NRG3: variants seen among roughly 807,000 people sequenced by gnomAD.
NRG3 encodes the protein neuregulin 3, also known as pro-neuregulin-3, membrane-bound isoform.
Under a neutral mutation model 66.9 loss-of-function variants are expected in NRG3, and 31 were observed. The observed-to-expected ratio is 0.46, with a 90% CI of 0.35 to 0.63. NRG3 has a LOEUF of 0.63. Ranked by LOEUF, NRG3 falls within the 20% of genes least tolerant of loss-of-function variation. The pLI, the probability that NRG3 is intolerant of heterozygous loss-of-function variation, is 0.00. For missense variants in NRG3, 910 were observed against 878.9 expected (o/e 1.04, Z -0.45); for synonymous variants, 393 against 359.4 (o/e 1.09, Z -1.06).
intron 4 of NRG3, among the ~76,000 whole-genome samples, chr10:82,876,355 A>G (rs1841819841): frequency 6.6e-6 from 1 of 152,212 alleles, no homozygotes; most frequent in Admixed American, 6.5e-5. Flanking sequence ...ATATAGTGAT[A>G]GATAGATTTG....
intron 1 of NRG3, among the ~76,000 whole-genome samples, chr10:82,183,443 G>T (rs1439713231): frequency 6.6e-6 from 1 of 151,878 alleles, no homozygotes; most frequent in African/African-American, 2.4e-5. Context: ...CCATTCTAGT[G>T]AATTTTTCAG....
chr10:82,377,051 GC>G (rs1480688788), intron 2 of NRG3, among the ~76,000 whole-genome samples: 1 of 152,116 alleles, frequency 6.6e-6, no homozygotes, highest in African/African-American at 2.4e-5. Flanking sequence ...ATATGTGTAA[GC>G]TTGCCCCTCC....
chr10:82,963,412 G>T (rs968725034), intron 6 of NRG3, among the ~76,000 whole-genome samples: 3 of 152,216 alleles, frequency 2.0e-5, no homozygotes, highest in Non-Finnish European at 4.4e-5. Context: ...CGGGCGCGGT[G>T]GCTCACGCCT....
At chr10:82,452,517 G>C (rs2091065818) in intron 2 of NRG3, among the ~76,000 whole-genome samples, 1 of 152,076 alleles carries the variant, frequency 6.6e-6, no homozygotes, top group Non-Finnish European at 1.5e-5. Flanking sequence ...TTTTGCTGTG[G>C]TATAATATCC....
intron 2 of NRG3, among the ~76,000 whole-genome samples, chr10:82,424,531 A>G (rs981236615): frequency 6.6e-6 from 1 of 152,048 alleles, no homozygotes. Flanking sequence ...TCATATGTTC[A>G]GGATACAAAT....
chr10:82,902,629 A>G (rs1287639915), intron 4 of NRG3, among the ~76,000 whole-genome samples: 1 of 152,148 alleles, frequency 6.6e-6, no homozygotes, highest in Non-Finnish European at 1.5e-5. Flanking sequence ...AAATAGACAC[A>G]CTATCCATTT....
At chr10:82,495,320 C>G (rs988642311) in intron 2 of NRG3, among the ~76,000 whole-genome samples, 1 of 152,114 alleles carries the variant, frequency 6.6e-6, no homozygotes, top group Admixed American at 6.5e-5. Flanking sequence ...ACCCTTCTGG[C>G]ATTATAATAA....
At chr10:82,592,530 G>T (rs758869449) in intron 2 of NRG3, among the ~76,000 whole-genome samples, 3 of 152,180 alleles carry the variant, frequency 2.0e-5, no homozygotes, top group Non-Finnish European at 4.4e-5. Context: ...TACTCTCAGT[G>T]AGACTACTCA....
intron 2 of NRG3, among the ~76,000 whole-genome samples, chr10:82,555,121 C>A (rs1487328544): frequency 1.3e-5 from 2 of 152,150 alleles, no homozygotes; most frequent in Non-Finnish European, 2.9e-5. Context: ...TGTGAGATCT[C>A]TAATCTGTTG....
chr10:82,894,868 G>A (rs550440499), intron 4 of NRG3, among the ~76,000 whole-genome samples: 1 of 152,114 alleles, frequency 6.6e-6, no homozygotes, highest in Admixed American at 6.6e-5. Context: ...CATGCATTAG[G>A]TGTTTGTGCT....
chr10:82,783,977 C>A (rs890680520), intron 3 of NRG3, among the ~76,000 whole-genome samples: 1 of 151,756 alleles, frequency 6.6e-6, no homozygotes. Flanking sequence ...GCTACAGTAA[C>A]CAAAACAGCA....
At chr10:82,062,981 G>A (rs189904618) in intron 1 of NRG3, among the ~76,000 whole-genome samples, 70 of 152,124 alleles carry the variant, frequency 4.6e-4, no homozygotes, top group Non-Finnish European at 8.2e-4. Flanking sequence ...ATTATCTGCC[G>A]CCCACCCCAC....
At chr10:82,330,914 C>T (rs1213745738) in intron 1 of NRG3, among the ~76,000 whole-genome samples, 2 of 152,154 alleles carry the variant, frequency 1.3e-5, no homozygotes, top group Non-Finnish European at 2.9e-5. Context: ...ATCTAGTGGT[C>T]TAGTCTGTGT....
At chr10:82,912,177 A>G (rs1458277158) in intron 4 of NRG3, among the ~76,000 whole-genome samples, 1 of 152,188 alleles carries the variant, frequency 6.6e-6, no homozygotes, top group East Asian at 1.9e-4. Flanking sequence ...TGTCAATTAG[A>G]TCCAGTTGGT....
chr10:82,574,388 A>G (rs769001280), intron 2 of NRG3, among the ~76,000 whole-genome samples: 9 of 151,818 alleles, frequency 5.9e-5, no homozygotes, highest in Non-Finnish European at 1.0e-4. Context: ...TGGGAAGCAT[A>G]GGGCAGAAGG....
At chr10:82,185,071 A>G (rs1019162229) in intron 1 of NRG3, among the ~76,000 whole-genome samples, 10 of 152,146 alleles carry the variant, frequency 6.6e-5, no homozygotes, top group African/African-American at 2.4e-4. Flanking sequence ...TAACTATTTA[A>G]GAGGCTGGAG....
chr10:82,712,924 A>G (rs919186513), intron 2 of NRG3, among the ~76,000 whole-genome samples: 2 of 151,990 alleles, frequency 1.3e-5, no homozygotes, highest in African/African-American at 4.8e-5. Context: ...GTTTATGACC[A>G]CCCCAGCCAG....
At chr10:82,507,318 G>A (rs1234749998) in intron 2 of NRG3, among the ~76,000 whole-genome samples, 3 of 152,132 alleles carry the variant, frequency 2.0e-5, no homozygotes, top group Non-Finnish European at 2.9e-5. Flanking sequence ...ATTTCTAGCA[G>A]TACAATAAAG....
intron 2 of NRG3, among the ~76,000 whole-genome samples, chr10:82,499,915 G>A (rs1219118664): frequency 3.3e-5 from 5 of 152,160 alleles, no homozygotes; most frequent in Admixed American, 6.5e-5. Flanking sequence ...AGGTTAAATA[G>A]AATGAAGACT....
Sources: gnomAD v4.1 joint callset for allele counts (sites outside exome capture counted in the v4.1 genomes callset) on GRCh38, gnomAD v4.1.1 for gene constraint, MANE v1.5 for transcripts, NCBI Gene and HGNC (gene_info 2026-07-23, HGNC 2026-07-21) for gene names.